The following TBC1D8 variants were observed in gnomAD, a reference collection of about 807,000 sequenced individuals.
TBC1D8 encodes the protein TBC1 domain family member 8.
In TBC1D8, 65 loss-of-function variants were observed where a neutral mutation model predicts 118.8. The ratio of observed to expected loss-of-function variants is 0.55; its 90% confidence interval spans 0.45 to 0.67. The LOEUF is 0.67. TBC1D8 is among the 30% of genes least tolerant of loss of function. The pLI is 0.00. For missense variants in TBC1D8, 1,376 were observed against 1,471.2 expected (o/e 0.94, Z 1.06); for synonymous variants, 566 against 595.8 (o/e 0.95, Z 0.73).
At chr2:101,149,029 C>G (rs1174888401) in intron 1 of TBC1D8, among the ~76,000 whole-genome samples, 3 of 152,140 alleles carry the variant, frequency 2.0e-5, no homozygotes, top group Non-Finnish European at 4.4e-5. Flanking sequence ...CATTGGCTTC[C>G]CAGCTAAATG....
chr2:101,032,113 A>C (rs1454835480), intron 11 of TBC1D8, among the ~76,000 whole-genome samples, 155 bp downstream of exon 11: 2 of 152,196 alleles, frequency 1.3e-5, no homozygotes, highest in Non-Finnish European at 2.9e-5. Context: ...GAATGTCCCG[A>C]GTTAGTTTTG....
At position 101,028,328 on chromosome 2, in the gene TBC1D8, G is replaced by A. The variant is rs374501299; in HGVS notation, c.2327C>T (p.Ser776Leu). 1.8e-5 allele frequency: 29 copies of A among 1,612,678 alleles called. No homozygotes were observed. In the African/African-American group the frequency reaches 2.5e-4, roughly 14 times the overall value. ...DQEPYPVTDI[S>L]DLIRDSYEKF... Reference sequence around the variant, plus strand: ...CTCATAGGAATCCCGGATCAGGTCCGAAATATCAGTCACAGGGTAGGGCTC... The same window carrying A: ...CTCATAGGAATCCCGGATCAGGTCCAAAATATCAGTCACAGGGTAGGGCTC... Residue 776 changes from serine to leucine, a missense_variant, in exon 13 of 20, where the codon TCG becomes TTG. Coordinates refer to ENST00000409318, the MANE Select transcript of TBC1D8 (RefSeq NM_001330348.2).
intron 1 of TBC1D8, among the ~76,000 whole-genome samples, chr2:101,133,602 G>C (rs1678697928): frequency 1.3e-5 from 2 of 152,172 alleles, no homozygotes; most frequent in African/African-American, 4.8e-5. Context: ...TCTTCACAAG[G>C]TGGGTAGGGA....
chr2:101,013,959 T>C lies in TBC1D8; in HGVS notation c.2828-2419A>G, dbSNP rs563235983. ...ATAGCAGCGAGGCCCTGCGCTTGGA[T>C]TAATCAGAAATTCCAATACAGCCAA... On this transcript the variant is annotated intron_variant, in intron 17 of 19. Transcript: ENST00000409318. 2.6e-5 allele frequency among the ~76,000 whole-genome samples: 4 copies of C among 152,346 alleles called. No individual in the cohort carries two copies. In the East Asian group the frequency reaches 5.8e-4, roughly 22 times the overall value.
chr2:101,037,587 T>A lies in TBC1D8; in HGVS notation c.1397A>T (p.Asp466Val), dbSNP rs1376655549. Residue 466 changes from aspartate to valine, a missense_variant, in exon 8 of 20, where the codon GAT (aspartate) becomes GTT (valine). Transcript: ENST00000409318. The stretch of plus-strand genomic sequence containing the variant: ...CTGCTGGAAGGCGGTGACCAGGGCA[T>A]CGGGGTGCATCAGCGGGCTCTTCTC... ...EKEKSPLMHP[D>V]ALVTAFQQSG... is the part of the protein sequence containing the mutation. 4 of 1,613,264 alleles carry A rather than the reference T, an allele frequency of 2.5e-6. No individual in the cohort carries two copies. Among genetic ancestry groups the A allele is most frequent in the Non-Finnish European group, 3.4e-6 (4 of 1,179,904 alleles).
In TBC1D8 at chr2:101,012,278, A is replaced by C. The variant is rs150719619; in HGVS notation, c.2828-738T>G. ...CAGATTGTTCACAGTAGTATTGTTC[A>C]TAGTAGCCAAAAAAACACCCAAATG... On this transcript the variant is annotated intron_variant, in intron 17 of 19. Transcript: ENST00000409318. Among the ~76,000 whole-genome samples, 16 of 152,340 alleles carry C rather than the reference A, an allele frequency of 1.1e-4. No homozygotes were observed. In the East Asian group the frequency reaches 2.9e-3, roughly 28 times the overall value.
At chr2:101,110,018 C>T (rs1001666101) in intron 1 of TBC1D8, 9 of 985,292 alleles carry the variant, frequency 9.1e-6, no homozygotes, top group Non-Finnish European at 9.6e-6. Context: ...ATCCTCCTGG[C>T]GTCTCAGCGA....
In TBC1D8 at chr2:101,008,262, G is replaced by A. The variant is rs746278959; in HGVS notation, c.3027C>T (p.Ile1009=). The change falls in exon 20 of 20, where the codon ATC becomes ATT. Residue 1009 remains isoleucine (I), a synonymous_variant. Transcript: ENST00000409318. ...ELPKMSQREF[I]QFCKTLYSMF... ...TACTGTACAGAGTTTTACAGAACTG[G>A]ATAAATTCTCTCTGAAATTGAAATA... The A allele has an allele frequency of 6.5e-7, 1 of 1,530,206 alleles. No homozygotes were observed. The highest frequency in any genetic ancestry group is 2.1e-5 in the Admixed American group (1 of 46,956). The allele number at this position is 1,530,206 out of a possible 1,614,324, so 94.8% of individuals were successfully genotyped here. A position where few individuals can be genotyped will look rare whatever the true frequency, so the allele number is the denominator to read the frequency against.
At chr2:101,140,464 C>T (rs11683228) in intron 1 of TBC1D8, among the ~76,000 whole-genome samples, 1 of 152,150 alleles carries the variant, frequency 6.6e-6, no homozygotes, top group African/African-American at 2.4e-5. Context: ...ATCACGGCCC[C>T]TGGGCAATGA....
At chr2:101,015,917 T>A (rs867391521) in intron 17 of TBC1D8, among the ~76,000 whole-genome samples, 57 of 151,952 alleles carry the variant, frequency 3.8e-4, no homozygotes, top group Middle Eastern at 3.4e-3. Context: ...TATACAAAAA[T>A]TAATTCAAGA....
chr2:101,060,178 C>T (rs1484029326), intron 2 of TBC1D8, among the ~76,000 whole-genome samples: 3 of 152,230 alleles, frequency 2.0e-5, no homozygotes, highest in Non-Finnish European at 4.4e-5. Flanking sequence ...ATGACAGAAA[C>T]ATTTCTAATG....
At chr2:101,107,331 G>A (rs886585549) in intron 1 of TBC1D8, among the ~76,000 whole-genome samples, 9 of 152,086 alleles carry the variant, frequency 5.9e-5, no homozygotes, top group African/African-American at 2.2e-4. Flanking sequence ...TATTTCTGGT[G>A]GTATCTGTGA....
At chr2:101,026,175 C>G (rs184767428) in intron 15 of TBC1D8, among the ~76,000 whole-genome samples, 4 of 152,122 alleles carry the variant, frequency 2.6e-5, no homozygotes, top group Non-Finnish European at 5.9e-5. Context: ...TTCTCTCAAC[C>G]TGAGAACAAT....
chr2:101,045,639 C>A lies in TBC1D8; in HGVS notation c.872+4762G>T, dbSNP rs113894843. Among the ~76,000 whole-genome samples the A allele has an allele frequency of 4.1e-3, 631 of 152,308 alleles. 2 individuals are homozygous for A. Among genetic ancestry groups the A allele is most frequent in the South Asian group, 0.015 (74 of 4,832 alleles). ...AAGGGAGGGCAAACTCAGTCCTCTG[C>A]GGTGAGTTTGCCTCATAAAGGAGCA... On this transcript the variant is annotated intron_variant, in intron 5 of 19. Transcript: ENST00000409318.
rs566356136 is a variant in TBC1D8 at position 101,029,577 on chromosome 2, G to A, written c.2136C>T (p.Phe712=). ...CFFYDGIKAI[F]QLGLAVLEAN... is the part of the protein sequence containing the mutation. Reference sequence around the variant, plus strand: ...CCTCAAGCACAGCCAGTCCCAGCTGGAAGATGGCTTTGATGCCATCATAGA... The same window carrying A: ...CCTCAAGCACAGCCAGTCCCAGCTGAAAGATGGCTTTGATGCCATCATAGA... Residue 712 remains phenylalanine, a synonymous_variant, in exon 12 of 20, where the codon TTC becomes TTT. Transcript: ENST00000409318. The A allele has an allele frequency of 6.2e-7, 1 of 1,613,974 alleles. No individual in the cohort carries two copies. Among genetic ancestry groups the A allele is most frequent in the South Asian group, 1.1e-5 (1 of 91,076 alleles).
In TBC1D8 at chr2:101,028,593, C is replaced by T. The variant is rs145823047; in HGVS notation, c.2223-161G>A. ...CGGCTTATTTTAGAGAAGCGAGAGGCAGTCATGAAGCCCGGCTTGTGGATT... is the reference window on the plus strand; with the variant it reads ...CGGCTTATTTTAGAGAAGCGAGAGGTAGTCATGAAGCCCGGCTTGTGGATT... On this transcript the variant is annotated intron_variant, in intron 12 of 19. Coordinates refer to ENST00000409318, the MANE Select transcript of TBC1D8 (RefSeq NM_001330348.2). 4 of 1,081,608 alleles carry T rather than the reference C, an allele frequency of 3.7e-6. No homozygotes were observed. The African/African-American group carries it at 6.3e-5, about 17-fold the overall frequency. The allele number at this position is 1,081,608 out of a possible 1,614,324, so 67.0% of individuals were successfully genotyped here.
At chr2:101,059,766 T>C (rs1329702560) in intron 2 of TBC1D8, among the ~76,000 whole-genome samples, 2 of 152,132 alleles carry the variant, frequency 1.3e-5, no homozygotes, top group Admixed American at 6.5e-5. Flanking sequence ...GGTGAAACTC[T>C]GTCTCTACTA....
chr2:101,018,933 G>T (rs1040650636), intron 17 of TBC1D8: 71 of 1,580,388 alleles, frequency 4.5e-5, no homozygotes, highest in Non-Finnish European at 6.0e-5. Flanking sequence ...CTAATCTTCT[G>T]GAATGCTCTT....
chr2:101,037,720 GAGAGAC>G lies in TBC1D8; in HGVS notation c.1276-18_1276-13del, dbSNP rs756511687. Reference sequence around the variant, plus strand: ...AACACGAGTGAAGCCTGCACAGCAAGAGAGACAGAGACAGAGAGAGAGAGGAGAGGA... The same window carrying G: ...AACACGAGTGAAGCCTGCACAGCAAGAGAGACAGAGAGAGAGAGGAGAGGA... On this transcript the variant is annotated splice_polypyrimidine_tract_variant and intron_variant, in intron 7 of 19. Transcript: ENST00000409318. 9.3e-6 allele frequency: 15 copies of G among 1,611,562 alleles called. No homozygotes were observed. The highest frequency in any genetic ancestry group is 8.9e-5 in the East Asian group (4 of 44,884).
Sources: gnomAD v4.1 joint callset for allele counts (sites outside exome capture counted in the v4.1 genomes callset) on GRCh38, gnomAD v4.1.1 for gene constraint, MANE v1.5 for transcripts, NCBI Gene and HGNC (gene_info 2026-07-23, HGNC 2026-07-21) for gene names.